The following COTL1 variants were observed in gnomAD, a reference collection of about 807,000 sequenced individuals.
COTL1 encodes the protein coactosin like F-actin binding protein 1.
COTL1 carries 15 observed loss-of-function variants against 16.5 expected under a neutral mutation model. The ratio of observed to expected loss-of-function variants is 0.91; its 90% CI spans 0.61 to 1.40. The LOEUF is 1.40. Ranked by LOEUF, COTL1 falls within the 40% of genes most tolerant of loss-of-function variation. COTL1 has a pLI of 0.00. For synonymous variants in COTL1, 112 were observed against 85.3 expected (o/e 1.31, Z -1.73); for missense variants, 220 against 201.5 (o/e 1.09, Z -0.56).
At chr16:84,612,998 CTT>C (rs1905369186) in intron 2 of COTL1, among the ~76,000 whole-genome samples, 1 of 114,762 alleles carries the variant, frequency 8.7e-6, no homozygotes, top group Admixed American at 8.9e-5. Context: ...TTCTTTCTTT[CTT>C]TCTTTCTTTT....
At chr16:84,588,908 T>C (rs1406364405) in intron 3 of COTL1, among the ~76,000 whole-genome samples, 1 of 152,166 alleles carries the variant, frequency 6.6e-6, no homozygotes, top group African/African-American at 2.4e-5. Context: ...TTTCATGACC[T>C]CAAAAAGAAA....
intron 2 of COTL1, among the ~76,000 whole-genome samples, chr16:84,612,598 C>T (rs1411227058): frequency 6.6e-6 from 1 of 152,154 alleles, no homozygotes; most frequent in Non-Finnish European, 1.5e-5. Flanking sequence ...GCCTGGCCAA[C>T]ATGGTGAAAC....
At position 84,566,649 on chromosome 16, in the gene COTL1, C is replaced by T. The variant is rs1224974310; in HGVS notation, c.*196G>A. On this transcript the variant is annotated 3_prime_UTR_variant, in exon 4 of 4. Coordinates refer to ENST00000262428, the MANE Select transcript of COTL1 (RefSeq NM_021149.5). ...AGATCAAAGAAAGAGGTTCCATGAG[C>T]GTCATGAGATAGGACACGGCAGGGT... The T allele has an allele frequency of 1.6e-5, 8 of 514,090 alleles. No homozygotes were observed. The highest frequency in any genetic ancestry group is 3.0e-5 in the South Asian group (1 of 33,190). The allele number at this position is 514,090 out of a possible 1,614,324, so 31.8% of individuals were successfully genotyped here.
intron 3 of COTL1, among the ~76,000 whole-genome samples, chr16:84,573,247 C>A (rs968735167): frequency 8.5e-5 from 13 of 152,246 alleles, no homozygotes; most frequent in African/African-American, 2.9e-4. Flanking sequence ...ACGCTGTGTG[C>A]CCTCCGGGTA....
At chr16:84,570,976 G>A (rs1369994129) in intron 3 of COTL1, among the ~76,000 whole-genome samples, 1 of 138,744 alleles carries the variant, frequency 7.2e-6, no homozygotes, top group South Asian at 2.3e-4. Context: ...TTCCTTTTTT[G>A]CCTCTTCCAA....
In COTL1 at chr16:84,590,495, A is replaced by T. The variant is rs1904837366; in HGVS notation, c.161-233T>A. On this transcript the variant is annotated intron_variant, in intron 2 of 3. Coordinates refer to ENST00000262428, the MANE Select transcript of COTL1 (RefSeq NM_021149.5). The surrounding 1 kb of genome is among the most constrained non-coding windows in gnomAD (Gnocchi z 5.5). The stretch of plus-strand genomic sequence containing the variant: ...TGCAGGCTTCATGCCCATTTCACAG[A>T]TGGGAAATGGAGATTCAGAGAAGTC... 1 of 383,248 alleles carries T rather than the reference A, an allele frequency of 2.6e-6. No homozygotes were observed. The highest frequency in any genetic ancestry group is 6.9e-5 in the South Asian group (1 of 14,590). The allele number at this position is 383,248 out of a possible 1,614,324, so 23.7% of individuals were successfully genotyped here.
chr16:84,580,716 G>T (rs1904568874), intron 3 of COTL1, among the ~76,000 whole-genome samples: 1 of 152,304 alleles, frequency 6.6e-6, no homozygotes, highest in African/African-American at 2.4e-5. Context: ...TTCCTCATCT[G>T]TATATTGGGG....
intron 2 of COTL1, chr16:84,596,347 G>C (rs1291246926): frequency 1.3e-5 from 2 of 152,282 alleles, no homozygotes; most frequent in Admixed American, 6.5e-5. Flanking sequence ...ACCCAGCCCA[G>C]AGTCCTGAAT....
intron 2 of COTL1, among the ~76,000 whole-genome samples, chr16:84,593,672 C>T (rs1193330091): frequency 6.6e-6 from 1 of 152,084 alleles, no homozygotes; most frequent in Non-Finnish European, 1.5e-5. Context: ...CCACCACGCC[C>T]GGCTAATTTT....
chr16:84,595,916 G>T (rs1196617552), intron 2 of COTL1: 1 of 151,680 alleles, frequency 6.6e-6, no homozygotes, highest in Non-Finnish European at 1.5e-5. Flanking sequence ...GTATGTGTGT[G>T]TTATATATAT....
intron 2 of COTL1, among the ~76,000 whole-genome samples, chr16:84,601,001 T>G (rs931102825): frequency 1.3e-5 from 2 of 151,554 alleles, no homozygotes; most frequent in Non-Finnish European, 2.9e-5. Flanking sequence ...GACTCCACCC[T>G]CTGACTTAGA....
At chr16:84,587,655 G>A (rs1210763664) in intron 3 of COTL1, among the ~76,000 whole-genome samples, 1 of 152,168 alleles carries the variant, frequency 6.6e-6, no homozygotes, top group South Asian at 2.1e-4. Context: ...TGACCTATAG[G>A]CTGGGACCAC....
intron 3 of COTL1, among the ~76,000 whole-genome samples, chr16:84,588,413 A>G (rs1904784300): frequency 6.6e-6 from 1 of 152,164 alleles, no homozygotes; most frequent in Admixed American, 6.5e-5. Context: ...CATTACAATT[A>G]ATTAAACTCC....
chr16:84,577,490 C>G (rs1417257521), intron 3 of COTL1, among the ~76,000 whole-genome samples: 3 of 152,234 alleles, frequency 2.0e-5, no homozygotes, highest in African/African-American at 7.2e-5. Flanking sequence ...GGTGATCCAC[C>G]TGCCTCGGTC....
chr16:84,606,869 G>A (rs192394305), intron 2 of COTL1, among the ~76,000 whole-genome samples: 2 of 152,304 alleles, frequency 1.3e-5, no homozygotes, highest in East Asian at 1.9e-4. Context: ...TGTCCCAGGC[G>A]CCTACAGCCC....
Position 84,617,527 on chromosome 16 carries a change from T to G in COTL1, c.134A>C (p.Tyr45Ser), listed in dbSNP as rs758930676. Reference sequence around the variant, plus strand: ...TGTGCACTGCTGGATGAAGTGCTGGTACTCCGCTCCCTGCTCGCCGGGGAC... The same window carrying G: ...TGTGCACTGCTGGATGAAGTGCTGGGACTCCGCTCCCTGCTCGCCGGGGAC... ...TIVPGEQGAE[Y>S]QHFIQQCTDD... Residue 45 changes from tyrosine (Y) to serine (S), a missense_variant, in exon 2 of 4, where the codon TAC (tyrosine) becomes TCC (serine). Physicochemically the swap from Tyr to Ser is moderately radical, Grantham distance 144 (BLOSUM62 -2). Transcript: ENST00000262428. 6.4e-7 allele frequency: 1 copy of G among 1,556,370 alleles called. No individual in the cohort carries two copies. The highest frequency in any genetic ancestry group is 1.2e-5 in the South Asian group (1 of 84,442).
intron 3 of COTL1, among the ~76,000 whole-genome samples, chr16:84,589,405 G>C (rs1904808176): frequency 6.6e-6 from 1 of 152,196 alleles, no homozygotes. Flanking sequence ...GCTGCTGAAG[G>C]GACGTGTAAC....
At chr16:84,611,918 C>T (rs12596591) in intron 2 of COTL1, among the ~76,000 whole-genome samples, 51,120 of 151,634 alleles carry the variant, frequency 0.34, 8,716 homozygotes, top group East Asian at 0.53. Context: ...ACCGGTCTGG[C>T]AAATGGCCCC....
chr16:84,574,566 G>A (rs1315736260), intron 3 of COTL1, among the ~76,000 whole-genome samples: 1 of 152,208 alleles, frequency 6.6e-6, no homozygotes, highest in Non-Finnish European at 1.5e-5. Context: ...TATGCAACCA[G>A]CAAGTGGAAG....
Sources: allele counts gnomAD v4.1 joint callset (sites outside exome capture counted in the v4.1 genomes callset), GRCh38; gene constraint gnomAD v4.1.1; non-coding constraint Gnocchi (gnomAD v3.1); transcripts MANE v1.5; gene names NCBI Gene and HGNC (gene_info 2026-07-23, HGNC 2026-07-21).